The following PLCH2 variants were observed in gnomAD, a reference collection of about 807,000 sequenced individuals.
PLCH2 encodes the protein 1-phosphatidylinositol 4,5-bisphosphate phosphodiesterase eta-2.
In PLCH2, 98 loss-of-function variants were observed where a neutral mutation model predicts 134.7. The observed-to-expected ratio is 0.73, with a 90% CI of 0.62 to 0.86. PLCH2 has a LOEUF of 0.86. Ranked by LOEUF, PLCH2 falls within the 40% of genes least tolerant of loss-of-function variation. The pLI is 0.00. For synonymous variants in PLCH2, 974 were observed against 827.5 expected (o/e 1.18, Z -3.04); for missense variants, 1,994 against 1,986.6 (o/e 1.00, Z -0.07).
chr1:2,480,682 G>C (rs78010027), intron 4 of PLCH2, among the ~76,000 whole-genome samples: 1,878 of 152,314 alleles, frequency 0.012, 33 homozygotes, highest in African/African-American at 0.042. Flanking sequence ...AGCCTCGAGG[G>C]GGGTACACCA....
chr1:2,502,810 G>A (rs1404250816), intron 21 of PLCH2: 4 of 717,002 alleles, frequency 5.6e-6, no homozygotes, highest in South Asian at 4.4e-5. Flanking sequence ...GCTGGCCTGA[G>A]GGTGCCTGCA....
intron 1 of PLCH2, among the ~76,000 whole-genome samples, chr1:2,468,259 A>G (rs1259987187): frequency 1.3e-5 from 2 of 152,218 alleles, no homozygotes; most frequent in Non-Finnish European, 2.9e-5. Context: ...GTGCGTCCTC[A>G]GGGTTCCCTG....
intron 2 of PLCH2, among the ~76,000 whole-genome samples, chr1:2,437,587 C>G (rs773696112): frequency 2.0e-5 from 3 of 152,220 alleles, no homozygotes; most frequent in Non-Finnish European, 4.4e-5. Context: ...CAGCCTCCAC[C>G]CCTTCAGAAC....
rs368352791 is a variant in PLCH2, at chr1:2,504,780, C to T, written c.3818C>T (p.Ser1273Phe). Residue 1273 changes from serine (S) to phenylalanine (F), a missense_variant, in exon 22 of 22, where the codon TCC becomes TTC. By Grantham distance (155) the Ser-to-Phe change is radical. Around this residue, in one of 2 missense-constraint regions of PLCH2, gnomAD observed 900 missense variants for 752.3 expected, o/e 1.20. Transcript: ENST00000378486. The part of the protein sequence containing the change: ...DDFAPSFEGG[S>F]RRLSHSLGLP... ...TTTGCCCCTAGCTTTGAGGGCGGCT[C>T]CCGCAGACTGAGCCACAGCCTGGGC... The T allele has an allele frequency of 5.0e-6, 8 of 1,612,000 alleles. No individual in the cohort carries two copies. Among genetic ancestry groups the T allele is most frequent in the Middle Eastern group, 1.6e-4 (1 of 6,084 alleles).
At chr1:2,491,835 C>T (rs1375220193) in intron 11 of PLCH2, among the ~76,000 whole-genome samples, 1 of 152,064 alleles carries the variant, frequency 6.6e-6, no homozygotes, top group African/African-American at 2.4e-5. Context: ...GTGGGCCCTA[C>T]AGACCCTCCA....
chr1:2,435,227 C>T (rs1639273433), intron 2 of PLCH2, among the ~76,000 whole-genome samples: 1 of 152,126 alleles, frequency 6.6e-6, no homozygotes, highest in Non-Finnish European at 1.5e-5. Context: ...TCCAGGAACC[C>T]CTGTCACCTG....
intron 2 of PLCH2, among the ~76,000 whole-genome samples, chr1:2,435,159 A>G (rs1176737832): frequency 6.6e-6 from 1 of 152,088 alleles, no homozygotes; most frequent in African/African-American, 2.4e-5. Context: ...GGAGGAGTGG[A>G]GCTCACCAGG....
chr1:2,435,049 G>A (rs938614160), intron 2 of PLCH2, among the ~76,000 whole-genome samples: 3 of 152,238 alleles, frequency 2.0e-5, no homozygotes, highest in Admixed American at 6.5e-5. Context: ...ACACCGGGGC[G>A]CAGGGACTTG....
At chr1:2,495,430 C>T (rs1474832182) in intron 12 of PLCH2, 58 bp from the exon 13 acceptor site, 30 of 1,457,312 alleles carry the variant, frequency 2.1e-5, no homozygotes, top group East Asian at 2.0e-4. Flanking sequence ...CCCCAGCCTT[C>T]GCCAAGGCCT....
At chr1:2,499,574 G>A in intron 19 of PLCH2, 67 bp from the exon 20 acceptor site, 2 of 1,199,496 alleles carry the variant, frequency 1.7e-6, no homozygotes, top group South Asian at 1.3e-5. Context: ...AGTAGAATGG[G>A]GGGCAGAGCA....
At chr1:2,468,490 C>T (rs1211495802) in intron 1 of PLCH2, among the ~76,000 whole-genome samples, 2 of 100,850 alleles carry the variant, frequency 2.0e-5, no homozygotes, top group African/African-American at 1.6e-4. Flanking sequence ...CTACAGCTCC[C>T]CAAACACAGC....
chr1:2,487,348 C>A lies in PLCH2; in HGVS notation c.1086C>A (p.Val362=). 6.2e-7 allele frequency: 1 copy of A among 1,613,516 alleles called. No individual in the cohort carries two copies. Among genetic ancestry groups the A allele is most frequent in the African/African-American group, 1.3e-5 (1 of 75,056 alleles). The change falls in exon 7 of 22, where the codon GTC becomes GTA. Residue 362 remains valine, a synonymous_variant. Coordinates refer to ENST00000378486, the MANE Select transcript of PLCH2 (RefSeq NM_014638.4). ...CACGGGTGGACATGTATGCTTGGGTCCTGCAGGCTGGCTGCCGCTGCGTGG... is the reference window on the plus strand; with the variant it reads ...CACGGGTGGACATGTATGCTTGGGTACTGCAGGCTGGCTGCCGCTGCGTGG... ...SQSRVDMYAW[V]LQAGCRCVEV... is the part of the protein sequence containing the mutation.
intron 4 of PLCH2, among the ~76,000 whole-genome samples, chr1:2,482,457 C>T (rs984599909): frequency 7.2e-5 from 11 of 152,204 alleles, no homozygotes; most frequent in African/African-American, 2.4e-4. Context: ...TCACACCTCG[C>T]ACCAGGCACC....
At chr1:2,429,539 C>A (rs945339338) in intron 1 of PLCH2, among the ~76,000 whole-genome samples, 1 of 152,102 alleles carries the variant, frequency 6.6e-6, no homozygotes, top group African/African-American at 2.4e-5. Flanking sequence ...TGGGACGGAA[C>A]CCCTGGGCCA....
intron 2 of PLCH2, among the ~76,000 whole-genome samples, chr1:2,449,351 G>A (rs568158488): frequency 6.6e-6 from 1 of 152,280 alleles, no homozygotes; most frequent in South Asian, 2.1e-4. Flanking sequence ...ATTTATCTGT[G>A]TGTGGTGGCA....
Position 2,476,553 on chromosome 1 carries a change from T to C in PLCH2, c.-36T>C. Reference sequence around the variant, plus strand: ...CTGCCCGAAGGCCGGTGGGCCTCTGTGGCCTCCGTGAAGCAGGCCCGGCTG... The same window carrying C: ...CTGCCCGAAGGCCGGTGGGCCTCTGCGGCCTCCGTGAAGCAGGCCCGGCTG... On this transcript the variant is annotated 5_prime_UTR_variant, in exon 1 of 22. Transcript: ENST00000378486. 2.0e-6 allele frequency: 3 copies of C among 1,463,762 alleles called. No individual in the cohort carries two copies. Among genetic ancestry groups the C allele is most frequent in the Non-Finnish European group, 2.7e-6 (3 of 1,112,900 alleles). The allele number at this position is 1,463,762 out of a possible 1,614,324, so 90.7% of individuals were successfully genotyped here.
At chr1:2,416,459 G>A in the PLCH2 span, among the ~76,000 whole-genome samples, 80 of 152,372 alleles carry the variant, frequency 5.3e-4, no homozygotes, top group Middle Eastern at 0.02. Context: ...CCAGGAGAAC[G>A]GGTTCGTCTG....
intron 10 of PLCH2, among the ~76,000 whole-genome samples, chr1:2,490,928 G>T (rs570943367): frequency 6.6e-6 from 1 of 152,246 alleles, no homozygotes; most frequent in Non-Finnish European, 1.5e-5. Context: ...ACCCTGTGCC[G>T]CCTGCTGGCG....
rs376998625 is a variant in PLCH2 at position 2,498,697 on chromosome 1, C to A, written c.2350-47C>A. ...GGAGGGGTGGGAGTTGGGGGCGGGC[C>A]GGGCATCGCGATGGGCCCTGATGCC... On this transcript the variant is annotated intron_variant, in intron 17 of 21. Transcript: ENST00000378486. The surrounding 1 kb of genome is among the most constrained non-coding windows in gnomAD (Gnocchi z 5.4). 5.8e-6 allele frequency: 9 copies of A among 1,549,014 alleles called. No individual in the cohort carries two copies. In the South Asian group the frequency reaches 1.1e-4, roughly 18 times the overall value.
Sources: allele counts gnomAD v4.1 joint callset (sites outside exome capture counted in the v4.1 genomes callset), GRCh38; gene constraint gnomAD v4.1.1; regional missense constraint gnomAD v4.1.1; non-coding constraint Gnocchi (gnomAD v3.1); transcripts MANE v1.5; gene names NCBI Gene and HGNC (gene_info 2026-07-23, HGNC 2026-07-21).